Variants in ARHGAP21 observed in about 807,000 individuals in gnomAD.
ARHGAP21 encodes the protein rho GTPase-activating protein 21.
A neutral mutation model predicts 164.6 loss-of-function variants in ARHGAP21; 38 were observed. The ratio of observed to expected loss-of-function variants is 0.23; its 90% CI spans 0.18 to 0.30. The LOEUF is 0.30. Among genes scored for constraint, ARHGAP21 ranks in the 10% least tolerant of loss-of-function variants. The pLI is 1.00. For missense variants in ARHGAP21, 1,822 were observed against 2,370.7 expected, an observed-to-expected ratio of 0.77 and a Z score of 4.81; for synonymous variants, 766 against 857.9, an observed-to-expected ratio of 0.89 and a Z score of 1.87.
chr10:24,612,590 C>G (rs996960818), intron 9 of ARHGAP21, among the ~76,000 whole-genome samples: 3 of 151,746 alleles, frequency 2.0e-5, no homozygotes, highest in Admixed American at 1.3e-4. Context: ...TGTGGTGGCT[C>G]ACGCCTGTAA....
chr10:24,648,806 G>A, intron 4 of ARHGAP21: 5 of 965,610 alleles, frequency 5.2e-6, no homozygotes, highest in Non-Finnish European at 6.1e-6. Context: ...AATCATCATA[G>A]GTCAAAATGT....
chr10:24,673,820 C>G (rs1047217782), intron 2 of ARHGAP21, among the ~76,000 whole-genome samples: 2 of 152,136 alleles, frequency 1.3e-5, no homozygotes, highest in African/African-American at 2.4e-5. Flanking sequence ...CGAGATTACA[C>G]CACTACACTC....
intron 4 of ARHGAP21, among the ~76,000 whole-genome samples, chr10:24,663,106 G>A (rs1381266226): frequency 6.6e-6 from 1 of 152,096 alleles, no homozygotes; most frequent in Non-Finnish European, 1.5e-5. Context: ...GGTCCTGGAA[G>A]CAATCCCCTG....
intron 4 of ARHGAP21, among the ~76,000 whole-genome samples, chr10:24,656,424 G>T (rs1400529587): frequency 1.2e-5 from 1 of 85,502 alleles, no homozygotes; most frequent in African/African-American, 5.1e-5. Context: ...CAGCCGCCCC[G>T]TCTGGGAGGT....
At chr10:24,651,171 G>A (rs1838126538) in intron 4 of ARHGAP21, among the ~76,000 whole-genome samples, 1 of 152,192 alleles carries the variant, frequency 6.6e-6, no homozygotes, top group Admixed American at 6.5e-5. Flanking sequence ...GACAGCCCCA[G>A]CTGCCGCCCT....
At chr10:24,659,813 G>T (rs1839489897) in intron 4 of ARHGAP21, among the ~76,000 whole-genome samples, 2 of 152,324 alleles carry the variant, frequency 1.3e-5, no homozygotes, top group Admixed American at 6.5e-5. Flanking sequence ...CAAGAGTAAA[G>T]AACTTTATTG....
intron 2 of ARHGAP21, among the ~76,000 whole-genome samples, chr10:24,718,719 A>G (rs2132324441): frequency 6.6e-6 from 1 of 152,354 alleles, no homozygotes; most frequent in Middle Eastern, 3.4e-3. Flanking sequence ...TCAACCAACA[A>G]GTGTATTTCA....
At chr10:24,634,922 AC>A in intron 5 of ARHGAP21, 88 bp downstream of exon 5, 2 of 1,026,398 alleles carry the variant, frequency 1.9e-6, no homozygotes, top group Non-Finnish European at 2.7e-6. Context: ...ACAGAAAGAT[AC>A]AAAAGGAAAA....
Position 24,619,663 on chromosome 10 carries a change from T to A in ARHGAP21, c.2232A>T (p.Gly744=), listed in dbSNP as rs371690942. The change falls in exon 9 of 26, where the codon GGA becomes GGT. Residue 744 remains glycine (G), a synonymous_variant. Coordinates refer to ENST00000396432, the MANE Select transcript of ARHGAP21 (RefSeq NM_020824.4). ...AVILREKPPS[G]RQTPQPLRHQ... The stretch of plus-strand genomic sequence containing the variant: ...GCCTTAAAGGCTGCGGTGTCTGGCG[T>A]CCAGATGGAGGTTTTTCCCTTAGGA... The A allele has an allele frequency of 2.0e-5, 33 of 1,614,026 alleles. No individual in the cohort carries two copies. The highest frequency in any genetic ancestry group is 1.6e-4 in the Middle Eastern group (1 of 6,084).
intron 2 of ARHGAP21, among the ~76,000 whole-genome samples, chr10:24,677,744 T>C (rs1329789418): frequency 2.6e-5 from 4 of 152,180 alleles, no homozygotes; most frequent in Non-Finnish European, 4.4e-5. Context: ...CCTTTTGAGA[T>C]CCAAATGAGA....
At chr10:24,587,615 C>T (rs2076159105) in intron 25 of ARHGAP21, among the ~76,000 whole-genome samples, 1 of 152,222 alleles carries the variant, frequency 6.6e-6, no homozygotes, top group South Asian at 2.1e-4. Context: ...CATTTCCCCA[C>T]ATTGTGCTGA....
Position 24,618,701 on chromosome 10 carries a change from C to G in ARHGAP21, c.2422+772G>C, listed in dbSNP as rs118085085. Among the ~76,000 whole-genome samples the G allele has an allele frequency of 9.6e-3, 1,465 of 152,190 alleles. 6 individuals carry two copies. The highest frequency in any genetic ancestry group is 0.037 in the Middle Eastern group (11 of 294). ...CATGGAAGATTGTGATAGGAGATCA[C>G]GAAGTAGGATCTCTCTGACACCATC... On this transcript the variant is annotated intron_variant, in intron 9 of 25. Coordinates refer to ENST00000396432, the MANE Select transcript of ARHGAP21 (RefSeq NM_020824.4).
chr10:24,595,727 G>A lies in ARHGAP21; in HGVS notation c.3702C>T (p.Leu1234=), dbSNP rs1462550042. 1.2e-6 allele frequency: 2 copies of A among 1,612,822 alleles called. No individual in the cohort carries two copies. The highest frequency in any genetic ancestry group is 2.2e-5 in the East Asian group (1 of 44,812). Residue 1234 remains leucine, a synonymous_variant, in exon 19 of 26, where the codon CTC becomes CTT. Transcript: ENST00000396432. ...KSFFRKLPEP[L]FTNDKYADFI... The stretch of plus-strand genomic sequence containing the variant: ...CGGGAGTTAACTCACCATTTGTGAA[G>A]AGAGGCTCAGGGAGTTTTCTGAAGA...
intron 2 of ARHGAP21, among the ~76,000 whole-genome samples, chr10:24,687,827 G>T (rs908826268): frequency 6.6e-6 from 1 of 152,142 alleles, no homozygotes; most frequent in Non-Finnish European, 1.5e-5. Context: ...TATAGGCTAC[G>T]GAAGAAAAAG....
chr10:24,625,656 G>C (rs540424984), intron 7 of ARHGAP21, among the ~76,000 whole-genome samples: 1 of 152,222 alleles, frequency 6.6e-6, no homozygotes, highest in Non-Finnish European at 1.5e-5. Context: ...TCATACTCTT[G>C]CTTCCCTCAC....
intron 15 of ARHGAP21, 132 bp downstream of exon 15, chr10:24,597,813 C>T (rs1322994540): frequency 1.9e-5 from 21 of 1,113,342 alleles, no homozygotes; most frequent in South Asian, 4.6e-5. Context: ...AAAAATATAG[C>T]GTAGAGAGGA....
chr10:24,656,247 G>A (rs1457623801), intron 4 of ARHGAP21, among the ~76,000 whole-genome samples: 8 of 128,256 alleles, frequency 6.2e-5, no homozygotes, highest in South Asian at 2.6e-4. Context: ...CAGCCGCCCC[G>A]TCCGGGAGGT....
rs1167176084 is a variant in ARHGAP21 at position 24,657,337 on chromosome 10, C to T, written c.268+9648G>A. ...CCCTCGCCCGGCCAGCCGCCCCGTC[C>T]GGGAGGTGAGGGGTGCCTCTGCCCG... is the stretch of plus-strand genomic sequence containing the variant. On this transcript the variant is annotated intron_variant, in intron 4 of 25. Transcript: ENST00000396432. Among the ~76,000 whole-genome samples, 5 of 63,100 alleles carry T rather than the reference C, an allele frequency of 7.9e-5. 1 individual carries two copies. The highest frequency in any genetic ancestry group is 1.5e-4 in the Non-Finnish European group (5 of 32,518). 41.4% of individuals were successfully genotyped at this position (63,100 alleles called of 152,430 possible).
chr10:24,694,956 C>T (rs1266019542), intron 2 of ARHGAP21, among the ~76,000 whole-genome samples: 1 of 149,610 alleles, frequency 6.7e-6, no homozygotes, highest in Non-Finnish European at 1.5e-5. Flanking sequence ...GAGGCTGGGG[C>T]AGGAGAATCA....
Sources: allele counts gnomAD v4.1 joint callset (sites outside exome capture counted in the v4.1 genomes callset), GRCh38; gene constraint gnomAD v4.1.1; transcripts MANE v1.5; gene names NCBI Gene and HGNC (gene_info 2026-07-23, HGNC 2026-07-21).